CADPS2: variants seen among roughly 807,000 people sequenced by gnomAD.
CADPS2 encodes calcium-dependent secretion activator 2.
CADPS2 carries 93 observed loss-of-function variants against 172.5 expected under a neutral mutation model. The observed-to-expected ratio is 0.54, with a 90% CI of 0.46 to 0.64. CADPS2 has a LOEUF of 0.64. Ranked by LOEUF, CADPS2 falls within the 30% of genes least tolerant of loss-of-function variation. The probability of loss-of-function intolerance (pLI) is 0.00; values close to 1 mark genes in which losing one functional copy is unlikely to be tolerated. For missense variants in CADPS2, 1,420 were observed against 1,565.9 expected, an observed-to-expected ratio of 0.91 and a Z score of 1.57; for synonymous variants, 546 against 555.2, an observed-to-expected ratio of 0.98 and a Z score of 0.23.
chr7:122,463,978 C>T (rs1402382925), intron 14 of CADPS2, among the ~76,000 whole-genome samples: 2 of 152,164 alleles, frequency 1.3e-5, no homozygotes, highest in East Asian at 1.9e-4. Flanking sequence ...TATCACCTAG[C>T]TCTGTCCAAC....
chr7:122,755,890 T>C (rs1354533149), intron 1 of CADPS2, among the ~76,000 whole-genome samples: 2 of 152,248 alleles, frequency 1.3e-5, no homozygotes, highest in Non-Finnish European at 1.5e-5. Context: ...CTTTGCGATG[T>C]AGACGTTTTC....
Position 122,416,125 on chromosome 7 carries a change from T to C in CADPS2, c.2516A>G (p.Glu839Gly), listed in dbSNP as rs1412040858. Reference sequence around the variant, plus strand: ...GCAGAGCTCTGCCAGATGAAGAATCTCTTCCAGCTTTCTAGCAGGAGATGC... The same window carrying C: ...GCAGAGCTCTGCCAGATGAAGAATCCCTTCCAGCTTTCTAGCAGGAGATGC... ...NQASPARKLE[E>G]ILHLAELCIE... is the part of the protein sequence containing the mutation. The change falls in exon 18 of 30, where the codon GAG becomes GGG. Residue 839 changes from glutamate to glycine, a missense_variant. Glu to Gly is a moderately conservative substitution (Grantham distance 98). Coordinates refer to ENST00000449022, the MANE Select transcript of CADPS2 (RefSeq NM_017954.11). 1 of 1,553,414 alleles carries C rather than the reference T, an allele frequency of 6.4e-7. No individual in the cohort carries two copies. The highest frequency in any genetic ancestry group is 1.2e-5 in the South Asian group (1 of 84,594).
chr7:122,708,520 G>GAT (rs57522086), intron 2 of CADPS2, among the ~76,000 whole-genome samples: 44 of 116,388 alleles, frequency 3.8e-4, no homozygotes, highest in African/African-American at 6.5e-4. Flanking sequence ...TTGTATTCGA[G>GAT]ATATATATAT....
intron 3 of CADPS2, among the ~76,000 whole-genome samples, chr7:122,655,040 TG>T (rs2079578715): frequency 6.6e-6 from 1 of 152,166 alleles, no homozygotes; most frequent in African/African-American, 2.4e-5. Flanking sequence ...GAAACAGAAG[TG>T]GAGCCTAAAG....
chr7:122,837,542 A>T (rs1054515655), intron 1 of CADPS2, among the ~76,000 whole-genome samples: 1 of 152,190 alleles, frequency 6.6e-6, no homozygotes, highest in African/African-American at 2.4e-5. Flanking sequence ...CAAGACTAAT[A>T]AAGAAGAAAA....
chr7:122,488,423 A>G (rs748059704), intron 11 of CADPS2, among the ~76,000 whole-genome samples: 5 of 152,234 alleles, frequency 3.3e-5, no homozygotes, highest in Non-Finnish European at 7.3e-5. Flanking sequence ...TAGCTGGGGA[A>G]TACCCAACAA....
chr7:122,823,628 A>C (rs1043096091), intron 1 of CADPS2, among the ~76,000 whole-genome samples: 3 of 152,364 alleles, frequency 2.0e-5, no homozygotes, highest in Non-Finnish European at 4.4e-5. Flanking sequence ...GTAGACTTTC[A>C]GTAGCAAGGC....
At position 122,367,710 on chromosome 7, in the gene CADPS2, A is replaced by ATT. The variant is rs57790964; in HGVS notation, c.3388-6699_3388-6698dup. On this transcript the variant is annotated intron_variant, in intron 25 of 29. Coordinates refer to ENST00000449022, the MANE Select transcript of CADPS2 (RefSeq NM_017954.11). ...AGGCATGTGCAACCATGCCCAGCTA[A>ATT]TTTTTTTTTTTTTTTTTTTTTTTTT... 2.9e-3 allele frequency among the ~76,000 whole-genome samples: 173 copies of ATT among 60,142 alleles called. 4 individuals are homozygous for ATT. Among genetic ancestry groups the ATT allele is most frequent in the African/African-American group, 0.013 (170 of 13,376 alleles). The allele number at this position is 60,142 out of a possible 152,430, so 39.5% of individuals were successfully genotyped here.
chr7:122,477,833 C>A (rs2056878403), intron 12 of CADPS2, among the ~76,000 whole-genome samples: 1 of 152,034 alleles, frequency 6.6e-6, no homozygotes, highest in Non-Finnish European at 1.5e-5. Flanking sequence ...ACTAACAGTA[C>A]GATTGTATGG....
chr7:122,634,494 T>C (rs544221427), intron 3 of CADPS2, among the ~76,000 whole-genome samples: 1 of 152,282 alleles, frequency 6.6e-6, no homozygotes, highest in South Asian at 2.1e-4. Context: ...GATCTTTTTT[T>C]ATATTTCTTT....
chr7:122,658,610 T>C (rs1455196862), intron 3 of CADPS2, among the ~76,000 whole-genome samples: 1 of 152,130 alleles, frequency 6.6e-6, no homozygotes, highest in Non-Finnish European at 1.5e-5. Flanking sequence ...CTGGAAACCA[T>C]CATTCTCAGC....
At chr7:122,624,031 A>G (rs2075847971) in intron 4 of CADPS2, among the ~76,000 whole-genome samples, 1 of 152,206 alleles carries the variant, frequency 6.6e-6, no homozygotes, top group African/African-American at 2.4e-5. Context: ...CAGTATTTCC[A>G]AACATTTCAG....
At chr7:122,535,458 T>A (rs1450508141) in intron 8 of CADPS2, among the ~76,000 whole-genome samples, 1 of 152,078 alleles carries the variant, frequency 6.6e-6, no homozygotes, top group Non-Finnish European at 1.5e-5. Context: ...TATGTTTGGA[T>A]CAGCTTGCTA....
chr7:122,438,602 G>C lies in CADPS2; in HGVS notation c.2353-138C>G, dbSNP rs1201385112. 11 of 957,064 alleles carry C rather than the reference G, an allele frequency of 1.1e-5. No homozygotes were observed. In the South Asian group the frequency reaches 1.6e-4, roughly 14 times the overall value. The allele number at this position is 957,064 out of a possible 1,614,324, so 59.3% of individuals were successfully genotyped here. A position where few individuals can be genotyped will look rare whatever the true frequency, so the allele number is the denominator to read the frequency against. ...CTTGATCTGACTATTATTAGGGAGA[G>C]GGGTCCTAGGTAACCTGGGGGGATG... is the stretch of plus-strand genomic sequence containing the variant. On this transcript the variant is annotated intron_variant, in intron 16 of 29. Coordinates refer to ENST00000449022, the MANE Select transcript of CADPS2 (RefSeq NM_017954.11).
intron 1 of CADPS2, among the ~76,000 whole-genome samples, chr7:122,762,164 T>A (rs764555941): frequency 2.6e-5 from 4 of 151,158 alleles, no homozygotes; most frequent in Non-Finnish European, 4.4e-5. Context: ...AATAGAGGCG[T>A]TGGAAGATAA....
At chr7:122,707,900 T>C in intron 2 of CADPS2, among the ~76,000 whole-genome samples, 1 of 151,756 alleles carries the variant, frequency 6.6e-6, no homozygotes, top group Non-Finnish European at 1.5e-5. Flanking sequence ...AAAACTAGTT[T>C]ATATAAAGGC....
chr7:122,436,439 TA>T, intron 17 of CADPS2: 1 of 1,064,020 alleles, frequency 9.4e-7, no homozygotes, highest in Non-Finnish European at 1.2e-6. Flanking sequence ...GTCGTTCATA[TA>T]ATGTAAAAGG....
chr7:122,827,620 G>A (rs1248551083), intron 1 of CADPS2, among the ~76,000 whole-genome samples: 14 of 135,398 alleles, frequency 1.0e-4, no homozygotes, highest in Non-Finnish European at 3.1e-5. Flanking sequence ...CAACATGAGC[G>A]AAATTCCATC....
intron 11 of CADPS2, among the ~76,000 whole-genome samples, chr7:122,489,564 A>G (rs1563487251): frequency 6.6e-6 from 1 of 152,156 alleles, no homozygotes; most frequent in Admixed American, 6.5e-5. Context: ...GCATTCAAAA[A>G]GTGACATGTC....
Sources: allele counts gnomAD v4.1 joint callset (sites outside exome capture counted in the v4.1 genomes callset), GRCh38; gene constraint gnomAD v4.1.1; transcripts MANE v1.5; gene names NCBI Gene and HGNC (gene_info 2026-07-23, HGNC 2026-07-21).